The following RASAL3 variants were observed in gnomAD, a reference collection of about 807,000 sequenced individuals.
RASAL3 encodes the protein RAS protein activator like-3.
A neutral mutation model predicts 105.5 loss-of-function variants in RASAL3; 74 were observed. The observed-to-expected ratio is 0.70, with a 90% CI of 0.58 to 0.85. RASAL3 has a LOEUF of 0.85. Ranked by LOEUF, RASAL3 falls within the 40% of genes least tolerant of loss-of-function variation. The pLI is 0.00. For missense variants in RASAL3, 1,352 were observed against 1,392.0 expected (o/e 0.97, Z 0.46); for synonymous variants, 579 against 591.6 (o/e 0.98, Z 0.31).
rs1599756207 is a variant in RASAL3, at chr19:15,464,071, T to C, written c.288A>G (p.Pro96=). 1 of 1,588,568 alleles carries C rather than the reference T, an allele frequency of 6.3e-7. No individual in the cohort carries two copies. Among genetic ancestry groups the C allele is most frequent in the Non-Finnish European group, 8.6e-7 (1 of 1,164,254 alleles). Reference sequence around the variant, plus strand: ...CCGGCTCCGGGTCTGGCTCCGGCGGTGGGTTCTTATGCCTCCCCCAGAGGG... The same window carrying C: ...CCGGCTCCGGGTCTGGCTCCGGCGGCGGGTTCTTATGCCTCCCCCAGAGGG... ...SKALWGRHKN[P]PPEPDPEPEQ... Residue 96 remains proline, a synonymous_variant, in exon 2 of 18, where the codon CCA becomes CCG. Transcript: ENST00000343625.
In RASAL3 at chr19:15,457,650, T is replaced by A. The variant is rs1449336739; in HGVS notation, c.1073A>T (p.Glu358Val). ...CAGGCGACGTGCCGGTGGCAGCGCCTCGAAGTGGAAGCGCTCGGCCCAGAA... is the reference window on the plus strand; with the variant it reads ...CAGGCGACGTGCCGGTGGCAGCGCCACGAAGTGGAAGCGCTCGGCCCAGAA... ...QLFWAERFHFEALPPARRLSL... is the reference protein window; with the variant it reads ...QLFWAERFHFVALPPARRLSL... Residue 358 changes from glutamate to valine, a missense_variant, in exon 9 of 18, where the codon GAG becomes GTG. Around this residue, in one of 3 missense-constraint regions of RASAL3, gnomAD observed 920 missense variants for 919.6 expected, o/e 1.00. Coordinates refer to ENST00000343625, the MANE Select transcript of RASAL3 (RefSeq NM_022904.3). The surrounding 1 kb of genome is among the most constrained non-coding windows in gnomAD (Gnocchi z 8.6). 7.0e-7 allele frequency: 1 copy of A among 1,426,036 alleles called. No individual in the cohort carries two copies. Among genetic ancestry groups the A allele is most frequent in the Admixed American group, 2.8e-5 (1 of 35,490 alleles). 88.3% of individuals were successfully genotyped at this position (1,426,036 alleles called of 1,614,324 possible). A position where few individuals can be genotyped will look rare whatever the true frequency, so the allele number is the denominator to read the frequency against.
Position 15,464,362 on chromosome 19 carries a change from TGGGGGG to T in RASAL3, c.-10_-5del. ...GGCTTGGCGACGGTGGGTCCATGGT[TGGGGGG>T]GGGGGTCTCCTGGGGGACGAGAGAG... On this transcript the variant is annotated 5_prime_UTR_variant, in exon 2 of 18. Transcript: ENST00000343625. 1 of 1,005,714 alleles carries T rather than the reference TGGGGGG, an allele frequency of 9.9e-7. No individual in the cohort carries two copies. The highest frequency in any genetic ancestry group is 1.5e-5 in the South Asian group (1 of 66,616). 62.3% of individuals were successfully genotyped at this position (1,005,714 alleles called of 1,614,324 possible). A position where few individuals can be genotyped will look rare whatever the true frequency, so the allele number is the denominator to read the frequency against.
At position 15,464,447 on chromosome 19, in the gene RASAL3, C is replaced by T. The variant is rs925075653; in HGVS notation, c.-20+58G>A. On this transcript the variant is annotated intron_variant, in intron 1 of 17. Coordinates refer to ENST00000343625, the MANE Select transcript of RASAL3 (RefSeq NM_022904.3). The stretch of plus-strand genomic sequence containing the variant: ...TACTGCCCTCATCTCGGCCCCCTCC[C>T]CACCCTCAGCTCTGCCTCCAGGAAT... 3.1e-6 allele frequency: 4 copies of T among 1,291,396 alleles called. No homozygotes were observed. In the African/African-American group the frequency reaches 5.8e-5, roughly 19 times the overall value. The allele number at this position is 1,291,396 out of a possible 1,614,324, so 80.0% of individuals were successfully genotyped here. A position where few individuals can be genotyped will look rare whatever the true frequency, so the allele number is the denominator to read the frequency against.
chr19:15,454,955 A>G, intron 11 of RASAL3, 62 bp from the exon 12 acceptor site: 1 of 1,319,304 alleles, frequency 7.6e-7, no homozygotes, highest in South Asian at 1.4e-5. Context: ...GGTTAAAGTC[A>G]TAAGGTTGGG....
chr19:15,456,440 A>T lies in RASAL3; in HGVS notation c.1576+62T>A. ...ATCCAGGTTGCTCAAGGACTCTTAG[A>T]ACTTCACCCAGGTCCCCTAGCTCAC... is the stretch of plus-strand genomic sequence containing the variant. On this transcript the variant is annotated intron_variant, in intron 10 of 17. Transcript: ENST00000343625. This position sits in a 1 kb window ranked among gnomAD's most constrained non-coding sequence, Gnocchi z 4.4. The T allele has an allele frequency of 6.3e-7, 1 of 1,599,182 alleles. No individual in the cohort carries two copies. The highest frequency in any genetic ancestry group is 2.2e-5 in the East Asian group (1 of 44,466).
At chr19:15,452,972 A>G (rs1271498870) in intron 15 of RASAL3, 135 bp downstream of exon 15, 3 of 1,480,070 alleles carry the variant, frequency 2.0e-6, no homozygotes, top group Non-Finnish European at 2.7e-6. Context: ...TGAAGCTCAG[A>G]GAGGGTCGGG....
chr19:15,458,976 TG>T (rs1970423338), intron 6 of RASAL3, among the ~76,000 whole-genome samples: 1 of 152,028 alleles, frequency 6.6e-6, no homozygotes, highest in Admixed American at 6.5e-5. Context: ...GACAGAGTCT[TG>T]TTTAGTGCGG....
intron 6 of RASAL3, 134 bp downstream of exon 6, chr19:15,460,069 C>T: frequency 2.7e-6 from 2 of 730,328 alleles, no homozygotes; most frequent in Non-Finnish European, 4.5e-6. Context: ...TCAATGTCCC[C>T]AGCATCAACT....
chr19:15,455,981 T>C, intron 11 of RASAL3, 123 bp downstream of exon 11: 1 of 1,159,282 alleles, frequency 8.6e-7, no homozygotes, highest in Non-Finnish European at 1.2e-6. Context: ...ATAAGCATGG[T>C]CCCAATTATT....
Position 15,456,750 on chromosome 19 carries a change from G to T in RASAL3, c.1432-104C>A. 7.4e-7 allele frequency: 1 copy of T among 1,351,396 alleles called. No homozygotes were observed. 83.7% of individuals were successfully genotyped at this position (1,351,396 alleles called of 1,614,324 possible). A position where few individuals can be genotyped will look rare whatever the true frequency, so the allele number is the denominator to read the frequency against. The stretch of plus-strand genomic sequence containing the variant: ...ACCAGAGGCACAGGCCCCGCCCCTT[G>T]TAGCTGATGCTTAGGCCCAGTCCTT... On this transcript the variant is annotated intron_variant, in intron 9 of 17. Transcript: ENST00000343625. This position sits in a 1 kb window ranked among gnomAD's most constrained non-coding sequence, Gnocchi z 4.4.
intron 12 of RASAL3, 42 bp downstream of exon 12, chr19:15,454,615 C>G: frequency 6.2e-7 from 1 of 1,612,070 alleles, no homozygotes; most frequent in Non-Finnish European, 8.5e-7. Flanking sequence ...CACCCCCACA[C>G]TCCCAGCATG....
chr19:15,454,240 G>A lies in RASAL3; in HGVS notation c.2188C>T (p.Pro730Ser). ...TCCTCAATGGCTCGCAGGATGGTGG[G>A]CAGTGGTTCCAGGGTGTCTCGGGTT... ...QTTRDTLEPL[P>S]TILRAIEEGQ... Residue 730 changes from proline to serine, a missense_variant, in exon 14 of 18, where the codon CCC (proline) becomes TCC (serine). Pro to Ser is a moderately conservative substitution (Grantham distance 74). Around this residue, in one of 3 missense-constraint regions of RASAL3, gnomAD observed 920 missense variants for 919.6 expected, o/e 1.00. Transcript: ENST00000343625. The A allele has an allele frequency of 6.4e-7, 1 of 1,566,292 alleles. No individual in the cohort carries two copies. The highest frequency in any genetic ancestry group is 8.7e-7 in the Non-Finnish European group (1 of 1,155,470).
chr19:15,460,720 T>C lies in RASAL3; in HGVS notation c.606+340A>G, dbSNP rs138180760. On this transcript the variant is annotated intron_variant, in intron 5 of 17. Transcript: ENST00000343625. Reference sequence around the variant, plus strand: ...GTAAAGCATCAATCATATATTCTCCTATACTATTCATTTATTTATTTAAGA... The same window carrying C: ...GTAAAGCATCAATCATATATTCTCCCATACTATTCATTTATTTATTTAAGA... 5.3e-5 allele frequency among the ~76,000 whole-genome samples: 8 copies of C among 152,240 alleles called. No homozygotes were observed. In the East Asian group the frequency reaches 1.5e-3, roughly 29 times the overall value.
At chr19:15,464,455 A>G in intron 1 of RASAL3, 50 bp downstream of exon 1, 1 of 1,219,640 alleles carries the variant, frequency 8.2e-7, no homozygotes, top group Non-Finnish European at 1.1e-6. Flanking sequence ...CCCCACCCTC[A>G]GCTCTGCCTC....
At chr19:15,461,428 T>C in intron 3 of RASAL3, 43 bp downstream of exon 3, 1 of 1,539,672 alleles carries the variant, frequency 6.5e-7, no homozygotes, top group Non-Finnish European at 8.8e-7. Context: ...CCTCCTCCTT[T>C]TTCTTTCTTC....
In RASAL3 at chr19:15,457,310, C is replaced by A; in HGVS notation, c.1413G>T (p.Arg471=). 2 of 1,313,706 alleles carry A rather than the reference C, an allele frequency of 1.5e-6. No individual in the cohort carries two copies. Among genetic ancestry groups the A allele is most frequent in the Middle Eastern group, 2.7e-4 (1 of 3,738 alleles). 81.4% of individuals were successfully genotyped at this position (1,313,706 alleles called of 1,614,324 possible). A position where few individuals can be genotyped will look rare whatever the true frequency, so the allele number is the denominator to read the frequency against. The change falls in exon 9 of 18, where the codon CGG becomes CGT. Residue 471 remains arginine (R), a synonymous_variant. Transcript: ENST00000343625. The surrounding 1 kb of genome is among the most constrained non-coding windows in gnomAD (Gnocchi z 8.6). The stretch of plus-strand genomic sequence containing the variant: ...GCCGCACCTGCGCCCGGCCGGTGGC[C>A]CGCAGCACGCGCACCATGGCTGCCG... ...ELAAAMVRVL[R]ATGRAQALVT...
chr19:15,457,649 C>A lies in RASAL3; in HGVS notation c.1074G>T (p.Glu358Asp). The change falls in exon 9 of 18, where the codon GAG becomes GAT. Residue 358 changes from glutamate (E) to aspartate (D), a missense_variant. Glu to Asp is a conservative substitution (Grantham distance 45). Around this residue, in one of 3 missense-constraint regions of RASAL3, gnomAD observed 920 missense variants for 919.6 expected, o/e 1.00. Transcript: ENST00000343625. This position sits in a 1 kb window ranked among gnomAD's most constrained non-coding sequence, Gnocchi z 8.6. ...ACAGGCGACGTGCCGGTGGCAGCGC[C>A]TCGAAGTGGAAGCGCTCGGCCCAGA... is the stretch of plus-strand genomic sequence containing the variant. Reference protein sequence around the residue: ...QLFWAERFHFEALPPARRLSL... With the variant: ...QLFWAERFHFDALPPARRLSL... 1 of 1,425,838 alleles carries A rather than the reference C, an allele frequency of 7.0e-7. No individual in the cohort carries two copies. 88.3% of individuals were successfully genotyped at this position (1,425,838 alleles called of 1,614,324 possible).
chr19:15,454,989 G>C lies in RASAL3; in HGVS notation c.1722-96C>G. 5 of 893,274 alleles carry C rather than the reference G, an allele frequency of 5.6e-6. No individual in the cohort carries two copies. In the South Asian group the frequency reaches 8.6e-5, roughly 15 times the overall value. 55.3% of individuals were successfully genotyped at this position (893,274 alleles called of 1,614,324 possible). A position where few individuals can be genotyped will look rare whatever the true frequency, so the allele number is the denominator to read the frequency against. ...GGAGTCCCAGAAGCACTGCATGATTGGTCCATGATCCTCCAGAGAGCTATT... is the reference window on the plus strand; with the variant it reads ...GGAGTCCCAGAAGCACTGCATGATTCGTCCATGATCCTCCAGAGAGCTATT... On this transcript the variant is annotated intron_variant, in intron 11 of 17. Transcript: ENST00000343625.
chr19:15,454,179 A>G lies in RASAL3; in HGVS notation c.2249T>C (p.Leu750Pro), dbSNP rs1365487265. The change falls in exon 14 of 18, where the codon CTC becomes CCC. Residue 750 changes from leucine to proline, a missense_variant. By Grantham distance (98) the Leu-to-Pro change is moderately conservative (BLOSUM62 -3). Coordinates refer to ENST00000343625, the MANE Select transcript of RASAL3 (RefSeq NM_022904.3). ...GTGGACCTGGGCCGGGGGCAGTGGGAGACGCATTGGCACTGACACAAGCAC... is the reference window on the plus strand; with the variant it reads ...GTGGACCTGGGCCGGGGGCAGTGGGGGACGCATTGGCACTGACACAAGCAC... ...QPVLVSVPMR[L>P]PLPPAQVHSS... The G allele has an allele frequency of 3.2e-6, 5 of 1,567,150 alleles. No individual in the cohort carries two copies. The South Asian group carries it at 4.7e-5, about 15-fold the overall frequency.
Sources: allele counts gnomAD v4.1 joint callset (sites outside exome capture counted in the v4.1 genomes callset), GRCh38; gene constraint gnomAD v4.1.1; regional missense constraint gnomAD v4.1.1; non-coding constraint Gnocchi (gnomAD v3.1); transcripts MANE v1.5; gene names NCBI Gene and HGNC (gene_info 2026-07-23, HGNC 2026-07-21).